GAB2: variants seen among roughly 807,000 people sequenced by gnomAD.
GAB2 encodes the protein GRB2 associated binding protein 2, also known as GRB2-associated-binding protein 2.
In GAB2, 26 loss-of-function variants were observed where a neutral mutation model predicts 65.5. That is an observed-to-expected ratio of 0.40 (90% CI 0.29 to 0.55). The LOEUF (loss-of-function observed/expected upper bound fraction) is 0.55. Ranked by LOEUF, GAB2 falls within the 20% of genes least tolerant of loss-of-function variation. The pLI is 0.53. For missense variants in GAB2, 884 were observed against 875.8 expected (o/e 1.01, Z -0.12); for synonymous variants, 321 against 329.6 (o/e 0.97, Z 0.28).
rs1179412638 is a variant in GAB2, at chr11:78,219,512, G to C, written c.1888-97C>G. 4 of 1,131,904 alleles carry C rather than the reference G, an allele frequency of 3.5e-6. No individual in the cohort carries two copies. The African/African-American group carries it at 4.6e-5, about 13-fold the overall frequency. 70.1% of individuals were successfully genotyped at this position (1,131,904 alleles called of 1,614,324 possible). On this transcript the variant is annotated intron_variant, in intron 9 of 9. Coordinates refer to ENST00000361507, the MANE Select transcript of GAB2 (RefSeq NM_080491.3). ...CGGGATCTTCCTGAGCTGTCTGAAG[G>C]GGAGAAGAGCATGGCCTCTGCCTGC...
chr11:78,273,031 C>T (rs548808428), intron 2 of GAB2, among the ~76,000 whole-genome samples: 26 of 152,340 alleles, frequency 1.7e-4, no homozygotes, highest in African/African-American at 4.8e-4. Flanking sequence ...TACAAACCTC[C>T]GCCTAGATTG....
At chr11:78,397,199 A>C (rs1229041343) in intron 1 of GAB2, among the ~76,000 whole-genome samples, 18 of 152,228 alleles carry the variant, frequency 1.2e-4, no homozygotes, top group African/African-American at 2.4e-5. Flanking sequence ...AACAAAAAAA[A>C]CCCAAAACCA....
chr11:78,269,872 C>T (rs1468456609), intron 2 of GAB2, among the ~76,000 whole-genome samples: 4 of 152,064 alleles, frequency 2.6e-5, no homozygotes, highest in African/African-American at 4.8e-5. Context: ...CCAAGGAGTT[C>T]GAGAAGGTAA....
intron 1 of GAB2, among the ~76,000 whole-genome samples, chr11:78,292,784 A>G (rs1866716947): frequency 6.6e-6 from 1 of 152,202 alleles, no homozygotes; most frequent in African/African-American, 2.4e-5. Flanking sequence ...ATACTCTCTG[A>G]GGAAATTTTT....
chr11:78,394,755 A>C (rs549014461), intron 1 of GAB2, among the ~76,000 whole-genome samples: 7 of 152,284 alleles, frequency 4.6e-5, no homozygotes, highest in Non-Finnish European at 8.8e-5. Flanking sequence ...CCAGTTCCCC[A>C]CCCAAAACGG....
At chr11:78,267,237 A>G (rs1336359810) in intron 2 of GAB2, among the ~76,000 whole-genome samples, 4 of 152,228 alleles carry the variant, frequency 2.6e-5, no homozygotes, top group Non-Finnish European at 5.9e-5. Context: ...AGGGCTAGGA[A>G]CAAAAGATCC....
In GAB2 at chr11:78,362,793, T is replaced by C. The variant is rs140113965; in HGVS notation, c.75+54853A>G. Among the ~76,000 whole-genome samples, 330 of 152,192 alleles carry C rather than the reference T, an allele frequency of 2.2e-3. 1 individual carries two copies. The highest frequency in any genetic ancestry group is 7.0e-3 in the African/African-American group (291 of 41,528). On this transcript the variant is annotated intron_variant, in intron 1 of 9. Coordinates refer to ENST00000361507, the MANE Select transcript of GAB2 (RefSeq NM_080491.3). ...AGGATGGAAAAAATTACATAAAGCA[T>C]ATACATTACTCAAAAGAATGCTGCT...
rs972090871 is a variant in GAB2, at chr11:78,308,986, G to T, written c.76-28085C>A. Among the ~76,000 whole-genome samples the T allele has an allele frequency of 2.0e-5, 3 of 152,326 alleles. No individual in the cohort carries two copies. In the East Asian group the frequency reaches 5.8e-4, roughly 29 times the overall value. ...GGTAGGAGAAGTCTAGAGACAGGAA[G>T]AGAAATTAACAGCTAGTCACGACAG... On this transcript the variant is annotated intron_variant, in intron 1 of 9. Transcript: ENST00000361507.
chr11:78,231,336 G>GTGTGTGTGTGTGTGTGTGTGTGTGTGTGT (rs1554975133), intron 3 of GAB2, among the ~76,000 whole-genome samples: 1 of 145,794 alleles, frequency 6.9e-6, no homozygotes, highest in African/African-American at 2.6e-5. Flanking sequence ...GCGCGTGTGT[G>GTGTGTGTGTGTGTGTGTGTGTGTGTGTGT]GTGTGTGTGT....
intron 1 of GAB2, among the ~76,000 whole-genome samples, chr11:78,370,725 A>ATGTGTGTGTGTGTGTGTGTG (rs113823389): frequency 6.7e-6 from 1 of 148,786 alleles, no homozygotes; most frequent in Non-Finnish European, 1.5e-5. Flanking sequence ...GTGTGTGTGT[A>ATGTGTGTGTGTGTGTGTGTG]TGTGTGTGTG....
At chr11:78,409,093 T>G (rs564272558) in intron 1 of GAB2, among the ~76,000 whole-genome samples, 36 of 152,180 alleles carry the variant, frequency 2.4e-4, no homozygotes, top group Non-Finnish European at 4.9e-4. Flanking sequence ...CATGTGAATA[T>G]CAATAAAAGG....
At chr11:78,260,121 G>C (rs2511156) in intron 2 of GAB2, among the ~76,000 whole-genome samples, 24,538 of 152,138 alleles carry the variant, frequency 0.16, 2,447 homozygotes, top group East Asian at 0.4. Flanking sequence ...CTATAAAGCG[G>C]AGGAAGAAAA....
At chr11:78,254,392 G>C (rs1865538976) in intron 2 of GAB2, among the ~76,000 whole-genome samples, 1 of 152,224 alleles carries the variant, frequency 6.6e-6, no homozygotes, top group Non-Finnish European at 1.5e-5. Flanking sequence ...TTTAAGGTCT[G>C]TTAAGAAGAT....
In GAB2 at chr11:78,323,168, C is replaced by T. The variant is rs147459443; in HGVS notation, c.76-42267G>A. ...AAGTATGGAATCACATACTTTGCAG[C>T]AGCATGTATGCAGCTGGAGGTCATT... On this transcript the variant is annotated intron_variant, in intron 1 of 9. Transcript: ENST00000361507. Among the ~76,000 whole-genome samples, 3 of 152,184 alleles carry T rather than the reference C, an allele frequency of 2.0e-5. No individual in the cohort carries two copies. The East Asian group carries it at 5.8e-4, about 29-fold the overall frequency.
chr11:78,308,438 T>C (rs1591023672), intron 1 of GAB2, among the ~76,000 whole-genome samples: 2 of 152,194 alleles, frequency 1.3e-5, no homozygotes, highest in South Asian at 4.1e-4. Flanking sequence ...CAAATGAAGA[T>C]GGAGAGGCAG....
intron 1 of GAB2, among the ~76,000 whole-genome samples, chr11:78,326,479 A>AT (rs140705697): frequency 0.036 from 5,471 of 151,896 alleles, 317 homozygotes; most frequent in African/African-American, 0.12. Flanking sequence ...AGTTTGGACA[A>AT]TTTTTTTTTC....
intron 1 of GAB2, among the ~76,000 whole-genome samples, chr11:78,367,519 G>A (rs1197862009): frequency 6.6e-6 from 1 of 152,232 alleles, no homozygotes; most frequent in Non-Finnish European, 1.5e-5. Context: ...CGGATTTTAT[G>A]TAAGAGATCT....
At chr11:78,398,789 G>T (rs142062929) in intron 1 of GAB2, among the ~76,000 whole-genome samples, 1 of 152,190 alleles carries the variant, frequency 6.6e-6, no homozygotes, top group South Asian at 2.1e-4. Context: ...CTGAGGAAAT[G>T]GCTAGCTAAT....
intron 1 of GAB2, among the ~76,000 whole-genome samples, chr11:78,297,948 G>A (rs1866885668): frequency 6.6e-6 from 1 of 152,048 alleles, no homozygotes; most frequent in Non-Finnish European, 1.5e-5. Flanking sequence ...CCTTGTTGAG[G>A]GGAATGGGCA....
Sources: gnomAD v4.1 joint callset for allele counts (sites outside exome capture counted in the v4.1 genomes callset) on GRCh38, gnomAD v4.1.1 for gene constraint, MANE v1.5 for transcripts, NCBI Gene and HGNC (gene_info 2026-07-23, HGNC 2026-07-21) for gene names.